The following GLT1D1 variants were observed in gnomAD, a reference collection of about 807,000 sequenced individuals.
GLT1D1 encodes glycosyltransferase 1 domain containing 1, also known as glycosyltransferase 1 domain-containing protein 1.
In GLT1D1, 21 loss-of-function variants were observed where a neutral mutation model predicts 28.7. The observed-to-expected ratio is 0.73, with a 90% CI of 0.52 to 1.05. The LOEUF is 1.05. Among genes scored for constraint, GLT1D1 ranks in the 50% least tolerant of loss-of-function variants. GLT1D1 has a pLI of 0.00. For synonymous variants in GLT1D1, 147 were observed against 124.8 expected (o/e 1.18, Z -1.19); for missense variants, 343 against 330.6 (o/e 1.04, Z -0.29).
intron 7 of GLT1D1, among the ~76,000 whole-genome samples, chr12:128,959,430 A>G (rs1263328955): frequency 6.0e-3 from 216 of 35,982 alleles, no homozygotes; most frequent in Admixed American, 8.7e-3. Flanking sequence ...ACGGGTGGGG[A>G]GGTGGCAGCG....
At chr12:128,868,410 G>A (rs1164605829) in intron 1 of GLT1D1, among the ~76,000 whole-genome samples, 4 of 152,180 alleles carry the variant, frequency 2.6e-5, no homozygotes, top group Admixed American at 2.0e-4. Context: ...GAGGGTCGAG[G>A]TATTAGGAAG....
chr12:128,938,052 A>G (rs1263647744), intron 4 of GLT1D1, among the ~76,000 whole-genome samples: 1 of 152,174 alleles, frequency 6.6e-6, no homozygotes, highest in Non-Finnish European at 1.5e-5. Flanking sequence ...AATACTTTGG[A>G]CAGAAACTAG....
At chr12:128,951,308 C>G (rs988373244) in intron 6 of GLT1D1, among the ~76,000 whole-genome samples, 2 of 152,100 alleles carry the variant, frequency 1.3e-5, no homozygotes, top group African/African-American at 4.8e-5. Context: ...GTGGCAGAGG[C>G]AGGAGAATTG....
Position 128,888,709 on chromosome 12 carries a change from A to C in GLT1D1, c.288A>C (p.Lys96Asn). The C allele has an allele frequency of 6.2e-7, 1 of 1,613,556 alleles. No individual in the cohort carries two copies. The highest frequency in any genetic ancestry group is 2.2e-5 in the East Asian group (1 of 44,880). Residue 96 changes from lysine to asparagine, a missense_variant, in exon 3 of 8, where the codon AAA (lysine) becomes AAC (asparagine). Lys to Asn is a moderately conservative substitution (Grantham distance 94). Transcript: ENST00000281703. ...ATGAAGATGCCAACCAGGCGGAAAA[A>C]AACACAGTCATGGGCAGAGTTCTTG...
In GLT1D1 at chr12:128,984,311, T is replaced by G. The variant is rs890753654; in HGVS notation, c.*1221T>G. On this transcript the variant is annotated 3_prime_UTR_variant, in exon 8 of 8. Coordinates refer to ENST00000281703, the MANE Select transcript of GLT1D1 (RefSeq NM_144669.3). Reference sequence around the variant, plus strand: ...TTCAAGTTTTAGGATGTCTGAACTTTCAGCTTTCATGTTTTCAACCATCAT... The same window carrying G: ...TTCAAGTTTTAGGATGTCTGAACTTGCAGCTTTCATGTTTTCAACCATCAT... The G allele has an allele frequency of 6.6e-6, 1 of 151,288 alleles. No homozygotes were observed. Among genetic ancestry groups the G allele is most frequent in the African/African-American group, 2.4e-5 (1 of 41,200 alleles). 9.4% of individuals were successfully genotyped at this position (151,288 alleles called of 1,614,324 possible).
At chr12:128,916,556 T>C (rs1001145231) in intron 4 of GLT1D1, among the ~76,000 whole-genome samples, 12 of 152,238 alleles carry the variant, frequency 7.9e-5, no homozygotes, top group African/African-American at 2.9e-4. Flanking sequence ...TCTAGGGAGA[T>C]AATGAAATGG....
chr12:128,932,164 GGAA>G (rs1873987753), intron 4 of GLT1D1, among the ~76,000 whole-genome samples: 1 of 152,132 alleles, frequency 6.6e-6, no homozygotes, highest in Non-Finnish European at 1.5e-5. Flanking sequence ...CCCCGTCTGG[GGAA>G]GCTTTAGCTC....
In GLT1D1 at chr12:128,906,879, C is replaced by G. The variant is rs901236280; in HGVS notation, c.375+7592C>G. Reference sequence around the variant, plus strand: ...TTTTACTTTGTGTACATTTACTCATCAAAATTCTTTTGGAAATTAAAATAT... The same window carrying G: ...TTTTACTTTGTGTACATTTACTCATGAAAATTCTTTTGGAAATTAAAATAT... On this transcript the variant is annotated intron_variant, in intron 4 of 7. Transcript: ENST00000281703. The G allele has an allele frequency of 7.1e-5, 50 of 702,106 alleles. No individual in the cohort carries two copies. In the African/African-American group the frequency reaches 8.0e-4, roughly 11 times the overall value. The allele number at this position is 702,106 out of a possible 1,614,324, so 43.5% of individuals were successfully genotyped here. A position where few individuals can be genotyped will look rare whatever the true frequency, so the allele number is the denominator to read the frequency against.
chr12:128,853,612 CCA>C lies in GLT1D1; in HGVS notation c.37_38del (p.Thr13ArgfsTer27). ...GCTCCTGTTCCTGGCGGTGCTGCGGCCACACACCGGCAACGCGGTCACGGCCC... is the reference window on the plus strand; with the variant it reads ...GCTCCTGTTCCTGGCGGTGCTGCGGCCACACCGGCAACGCGGTCACGGCCC... On this transcript the variant is annotated frameshift_variant, in exon 1 of 8. Transcript: ENST00000281703. LOFTEE classifies it high-confidence loss of function. 7.6e-6 allele frequency: 9 copies of C among 1,180,504 alleles called. No individual in the cohort carries two copies. The highest frequency in any genetic ancestry group is 8.5e-6 in the Non-Finnish European group (8 of 942,794). The allele number at this position is 1,180,504 out of a possible 1,614,324, so 73.1% of individuals were successfully genotyped here. A position where few individuals can be genotyped will look rare whatever the true frequency, so the allele number is the denominator to read the frequency against.
intron 3 of GLT1D1, 90 bp from the exon 4 acceptor site, chr12:128,899,146 T>C: frequency 1.1e-6 from 1 of 902,752 alleles, no homozygotes; most frequent in South Asian, 1.4e-5. Flanking sequence ...TCTCACGTTG[T>C]CTCTCATAAT....
intron 4 of GLT1D1, 122 bp downstream of exon 4, chr12:128,899,409 T>G: frequency 1.3e-6 from 1 of 788,456 alleles, no homozygotes; most frequent in Middle Eastern, 2.3e-4. Context: ...GCGGCCACAA[T>G]AGTGTATTAT....
rs1017264109 is a variant in GLT1D1, at chr12:128,983,772, G to C, written c.*682G>C. ...CAGGAAGGAACAAGCGCCACGTCAC[G>C]CATAGCCTGCAAATCGCCCGCGTGA... On this transcript the variant is annotated 3_prime_UTR_variant, in exon 8 of 8. Transcript: ENST00000281703. This position sits in a 1 kb window ranked among gnomAD's most constrained non-coding sequence, Gnocchi z 4.7. 2 of 152,384 alleles carry C rather than the reference G, an allele frequency of 1.3e-5. No individual in the cohort carries two copies. The highest frequency in any genetic ancestry group is 2.4e-5 in the African/African-American group (1 of 41,578). The allele number at this position is 152,384 out of a possible 1,614,324, so 9.4% of individuals were successfully genotyped here. A position where few individuals can be genotyped will look rare whatever the true frequency, so the allele number is the denominator to read the frequency against.
intron 7 of GLT1D1, among the ~76,000 whole-genome samples, chr12:128,977,608 C>T (rs1043492639): frequency 6.6e-6 from 1 of 152,180 alleles, no homozygotes; most frequent in African/African-American, 2.4e-5. Flanking sequence ...GCACCTCCCA[C>T]TTCACCTGCT....
intron 4 of GLT1D1, among the ~76,000 whole-genome samples, chr12:128,909,283 A>G (rs1012288319): frequency 6.6e-6 from 1 of 152,148 alleles, no homozygotes; most frequent in African/African-American, 2.4e-5. Flanking sequence ...GTTCAGTGGC[A>G]AGGCTGAATC....
chr12:128,949,363 C>T (rs11614169), intron 6 of GLT1D1, among the ~76,000 whole-genome samples: 34,712 of 152,108 alleles, frequency 0.23, 4,865 homozygotes, highest in Non-Finnish European at 0.33. Context: ...TCCAAAATAA[C>T]CTTTGGGCGA....
Position 128,899,156 on chromosome 12 carries a change from T to G in GLT1D1, c.324-80T>G. The G allele has an allele frequency of 4.9e-6, 5 of 1,024,330 alleles. No individual in the cohort carries two copies. In the South Asian group the frequency reaches 6.4e-5, roughly 13 times the overall value. 63.5% of individuals were successfully genotyped at this position (1,024,330 alleles called of 1,614,324 possible). ...TAGTGTCTCACGTTGTCTCTCATAA[T>G]TTGTTCCAAAGAGCTGTTTCATAGT... On this transcript the variant is annotated intron_variant, in intron 3 of 7. Transcript: ENST00000281703.
Position 128,915,853 on chromosome 12 carries a change from C to CT in GLT1D1, c.375+16573dup, listed in dbSNP as rs143911225. Among the ~76,000 whole-genome samples, 7 of 152,200 alleles carry CT rather than the reference C, an allele frequency of 4.6e-5. No individual in the cohort carries two copies. The South Asian group carries it at 1.0e-3, about 23-fold the overall frequency. On this transcript the variant is annotated intron_variant, in intron 4 of 7. Coordinates refer to ENST00000281703, the MANE Select transcript of GLT1D1 (RefSeq NM_144669.3). Reference sequence around the variant, plus strand: ...GTCAGTAGAATAGAGTGAACTCATCCTTTTTTTAAAATAATTCTATAGTTT... The same window carrying CT: ...GTCAGTAGAATAGAGTGAACTCATCCTTTTTTTTAAAATAATTCTATAGTTT...
At chr12:128,976,520 C>T (rs539940745) in intron 7 of GLT1D1, among the ~76,000 whole-genome samples, 15 of 152,332 alleles carry the variant, frequency 9.8e-5, no homozygotes, top group Middle Eastern at 3.4e-3. Flanking sequence ...GACACTTCCT[C>T]GTCAACGTCT....
At chr12:128,945,048 G>A in intron 4 of GLT1D1, 3 of 640,992 alleles carry the variant, frequency 4.7e-6, no homozygotes, top group South Asian at 3.8e-5. Flanking sequence ...CATGTAACAG[G>A]CCAATTTCTG....
Sources: allele counts gnomAD v4.1 joint callset (sites outside exome capture counted in the v4.1 genomes callset), GRCh38; gene constraint gnomAD v4.1.1; non-coding constraint Gnocchi (gnomAD v3.1); transcripts MANE v1.5; gene names NCBI Gene and HGNC (gene_info 2026-07-23, HGNC 2026-07-21).